Variants in MARCHF6 observed in about 807,000 individuals in gnomAD.
MARCHF6 encodes E3 ubiquitin-protein ligase MARCHF6.
In MARCHF6, 31 loss-of-function variants were observed where a neutral mutation model predicts 133.7. The observed-to-expected ratio is 0.23, with a 90% CI of 0.17 to 0.31. The LOEUF is 0.31. MARCHF6 is among the 10% of genes least tolerant of loss of function. MARCHF6 has a pLI of 1.00. For missense variants in MARCHF6, 723 were observed against 1,121.6 expected (o/e 0.64, Z 5.08); for synonymous variants, 395 against 402.5 (o/e 0.98, Z 0.22).
chr5:10,430,053 CTTGT>C lies in MARCHF6; in HGVS notation c.2642+28_2642+31del, dbSNP rs775682346. ...AGTAAGTCTGGCGTTCTGTTCGTCT[CTTGT>C]TTAAGTGTTTTCACTTCTTAATTTA... On this transcript the variant is annotated intron_variant, in intron 25 of 25. Coordinates refer to ENST00000274140, the MANE Select transcript of MARCHF6 (RefSeq NM_005885.4). The C allele has an allele frequency of 1.3e-5, 20 of 1,595,710 alleles. No individual in the cohort carries two copies. In the East Asian group the frequency reaches 1.6e-4, roughly 13 times the overall value.
At chr5:10,394,003 T>C in intron 7 of MARCHF6, 79 bp from the exon 8 acceptor site, 1 of 799,670 alleles carries the variant, frequency 1.3e-6, no homozygotes, top group East Asian at 3.0e-5. Flanking sequence ...TAAATTTTAC[T>C]ATTTTTAGTG....
At chr5:10,405,773 T>C (rs1738848561) in intron 16 of MARCHF6, 96 bp downstream of exon 16, 1 of 1,089,538 alleles carries the variant, frequency 9.2e-7, no homozygotes, top group African/African-American at 1.6e-5. Context: ...AGCAGGCTGA[T>C]AGAGTATATT....
At chr5:10,361,904 C>T (rs796364362) in intron 1 of MARCHF6, among the ~76,000 whole-genome samples, 29 of 152,178 alleles carry the variant, frequency 1.9e-4, no homozygotes, top group African/African-American at 6.3e-4. Flanking sequence ...GCTGGGATTA[C>T]AGGCATGCAC....
chr5:10,425,984 T>C (rs994137853), intron 23 of MARCHF6, among the ~76,000 whole-genome samples: 4 of 152,270 alleles, frequency 2.6e-5, no homozygotes, highest in Non-Finnish European at 4.4e-5. Flanking sequence ...TTTCTCATCA[T>C]ACTCAGATAA....
chr5:10,406,395 T>C (rs949626685), intron 16 of MARCHF6, among the ~76,000 whole-genome samples: 2 of 147,228 alleles, frequency 1.4e-5, no homozygotes, highest in South Asian at 2.1e-4. Context: ...ATTTCTTTCT[T>C]TTTTTTTTTT....
In MARCHF6 at chr5:10,410,185, G is replaced by T; in HGVS notation, c.1600G>T (p.Val534Phe). 6.2e-7 allele frequency: 1 copy of T among 1,614,062 alleles called. No individual in the cohort carries two copies. Among genetic ancestry groups the T allele is most frequent in the Non-Finnish European group, 8.5e-7 (1 of 1,180,026 alleles). Residue 534 changes from valine to phenylalanine, a missense_variant, in exon 18 of 26, where the codon GTT becomes TTT. This residue lies in a region of MARCHF6 where 492 missense variants were observed against 699.5 expected (regional missense o/e 0.70). Coordinates refer to ENST00000274140, the MANE Select transcript of MARCHF6 (RefSeq NM_005885.4). ...GTCCCTCGAGCTGCTTCTGCTTCAG[G>T]TTGTCTTGCCAGCATTACTCGAACA... ...ELSLELLLLQ[V>F]VLPALLEQGH...
intron 10 of MARCHF6, 95 bp downstream of exon 10, chr5:10,397,439 T>C (rs1579577520): frequency 6.6e-6 from 6 of 909,536 alleles, no homozygotes; most frequent in African/African-American, 1.7e-5. Flanking sequence ...TTTTTTAACA[T>C]AGAAATAAAT....
At chr5:10,398,068 G>T (rs1424476613) in intron 10 of MARCHF6, among the ~76,000 whole-genome samples, 1 of 152,176 alleles carries the variant, frequency 6.6e-6, no homozygotes, top group Non-Finnish European at 1.5e-5. Context: ...GATGGAATGG[G>T]GTTATTGTTA....
chr5:10,393,008 A>T (rs943822865), intron 7 of MARCHF6, among the ~76,000 whole-genome samples: 1 of 152,126 alleles, frequency 6.6e-6, no homozygotes, highest in Non-Finnish European at 1.5e-5. Flanking sequence ...ACACGTCATG[A>T]TGAGTGTTGT....
intron 22 of MARCHF6, 137 bp from the exon 23 acceptor site, chr5:10,423,598 G>C (rs1244097465): frequency 1.9e-5 from 9 of 468,428 alleles, no homozygotes; most frequent in Non-Finnish European, 2.2e-5. Flanking sequence ...CAGTACGTTA[G>C]TCTTTTGTAA....
intron 22 of MARCHF6, among the ~76,000 whole-genome samples, chr5:10,419,607 G>A (rs1391019288): frequency 6.9e-6 from 1 of 145,140 alleles, no homozygotes; most frequent in Non-Finnish European, 1.5e-5. Flanking sequence ...GAAGGAAAGA[G>A]CTACCTTTTT....
At chr5:10,401,490 A>C (rs926365406) in intron 11 of MARCHF6, 1 of 153,896 alleles carries the variant, frequency 6.5e-6, no homozygotes, top group African/African-American at 2.4e-5. Context: ...GGTTCAGGTA[A>C]GTGTTTTGAA....
intron 7 of MARCHF6, among the ~76,000 whole-genome samples, chr5:10,393,682 T>A (rs1738011012): frequency 6.6e-6 from 1 of 152,228 alleles, no homozygotes; most frequent in Admixed American, 6.5e-5. Flanking sequence ...AAATCCAGAC[T>A]CCACATTCCT....
chr5:10,432,653 C>T (rs1740422925), intron 25 of MARCHF6, among the ~76,000 whole-genome samples: 1 of 152,230 alleles, frequency 6.6e-6, no homozygotes, highest in Admixed American at 6.5e-5. Flanking sequence ...CCCTGTCACT[C>T]CAACTACAGT....
intron 25 of MARCHF6, among the ~76,000 whole-genome samples, chr5:10,431,745 C>T (rs1406603876): frequency 6.6e-6 from 1 of 152,024 alleles, no homozygotes; most frequent in Non-Finnish European, 1.5e-5. Context: ...TTCTCTGCCA[C>T]TGAATTACTC....
intron 18 of MARCHF6, 23 bp from the exon 19 acceptor site, chr5:10,411,310 T>C: frequency 6.3e-7 from 1 of 1,594,936 alleles, no homozygotes; most frequent in Non-Finnish European, 8.6e-7. Flanking sequence ...GTGAGACTTG[T>C]TACTGATGTA....
intron 1 of MARCHF6, among the ~76,000 whole-genome samples, chr5:10,375,301 G>A (rs1003996214): frequency 6.6e-6 from 1 of 152,252 alleles, no homozygotes; most frequent in East Asian, 1.9e-4. Flanking sequence ...TGGCACCCGG[G>A]CCAGCGGCTG....
intron 17 of MARCHF6, among the ~76,000 whole-genome samples, chr5:10,407,689 C>T (rs71599530): frequency 1.3e-5 from 2 of 152,184 alleles, no homozygotes; most frequent in Non-Finnish European, 2.9e-5. Flanking sequence ...CGTGGTGGCT[C>T]ACGCCTGTAA....
At chr5:10,378,493 C>G (rs575902354) in intron 2 of MARCHF6, among the ~76,000 whole-genome samples, 7 of 152,280 alleles carry the variant, frequency 4.6e-5, no homozygotes, top group Non-Finnish European at 1.0e-4. Context: ...GAGATTCTTT[C>G]ATGTTCATTT....
Sources: gnomAD v4.1 joint callset for allele counts (sites outside exome capture counted in the v4.1 genomes callset) on GRCh38, gnomAD v4.1.1 for gene constraint, gnomAD v4.1.1 regional missense constraint, MANE v1.5 for transcripts, NCBI Gene and HGNC (gene_info 2026-07-23, HGNC 2026-07-21) for gene names.